Variants in SH3BP1 observed in about 807,000 individuals in gnomAD.
SH3BP1 encodes the protein SH3 domain binding protein 1.
In SH3BP1, 46 loss-of-function variants were observed where a neutral mutation model predicts 69.8. That is an observed-to-expected ratio of 0.66 (90% CI 0.52 to 0.84). The LOEUF (loss-of-function observed/expected upper bound fraction) is 0.84. Among genes scored for constraint, SH3BP1 ranks in the 40% least tolerant of loss-of-function variants. The pLI is 0.00. For synonymous variants in SH3BP1, 403 were observed against 378.0 expected (o/e 1.07, Z -0.77); for missense variants, 868 against 930.9 (o/e 0.93, Z 0.88).
intron 1 of SH3BP1, among the ~76,000 whole-genome samples, chr22:37,640,145 T>C (rs1017558395): frequency 1.3e-5 from 2 of 152,028 alleles, no homozygotes; most frequent in Admixed American, 1.3e-4. Context: ...CCTCCACGAG[T>C]CTCTAAGTGG....
intron 10 of SH3BP1, 62 bp from the exon 11 acceptor site, chr22:37,646,756 C>A (rs1932791492): frequency 1.9e-6 from 2 of 1,040,748 alleles, no homozygotes; most frequent in South Asian, 1.7e-5. Context: ...GCTACAAGTG[C>A]GCCAGGGTGT....
intron 14 of SH3BP1, among the ~76,000 whole-genome samples, chr22:37,649,571 G>T (rs1297157879): frequency 2.0e-5 from 3 of 152,112 alleles, no homozygotes; most frequent in African/African-American, 4.8e-5. Context: ...ATCACCTGAG[G>T]TCGGGAGTTC....
In SH3BP1 at chr22:37,646,799, T is replaced by C. The variant is rs1932792416; in HGVS notation, c.925-19T>C. 1.4e-6 allele frequency: 2 copies of C among 1,478,730 alleles called. No homozygotes were observed. Among genetic ancestry groups the C allele is most frequent in the African/African-American group, 1.4e-5 (1 of 71,516 alleles). 91.6% of individuals were successfully genotyped at this position (1,478,730 alleles called of 1,614,324 possible). A position where few individuals can be genotyped will look rare whatever the true frequency, so the allele number is the denominator to read the frequency against. Reference sequence around the variant, plus strand: ...TGCCCACCCCTCTGTGACCCTTGCCTGCCTCCTCTCGAACCCAGGGTCTCT... The same window carrying C: ...TGCCCACCCCTCTGTGACCCTTGCCCGCCTCCTCTCGAACCCAGGGTCTCT... On this transcript the variant is annotated intron_variant, in intron 10 of 17. Transcript: ENST00000649765.
At chr22:37,649,782 T>C (rs964721140) in intron 14 of SH3BP1, 3 of 310,002 alleles carry the variant, frequency 9.7e-6, no homozygotes, top group Non-Finnish European at 1.9e-5. Context: ...AGACTCTGTC[T>C]CAAAAAAAAA....
Position 37,639,846 on chromosome 22 carries a change from G to A in SH3BP1, c.59G>A (p.Arg20His). The change falls in exon 1 of 18, where the codon CGC becomes CAC. Residue 20 changes from arginine (R) to histidine (H), a missense_variant and splice_region_variant. By Grantham distance (29) the Arg-to-His change is conservative. This residue lies in a region of SH3BP1 where 387 missense variants were observed against 447.9 expected (regional missense o/e 0.86). Transcript: ENST00000649765. Reference sequence around the variant, plus strand: ...CTGGCCCAGACGGGCAGCTTGGGACGGTGAGTGTCACCCGCTTCCAGCCCC... The same window carrying A: ...CTGGCCCAGACGGGCAGCTTGGGACAGTGAGTGTCACCCGCTTCCAGCCCC... ...RQLAQTGSLG[R>H]TPETAEFLGE... The A allele has an allele frequency of 1.3e-6, 2 of 1,568,300 alleles. No individual in the cohort carries two copies. Among genetic ancestry groups the A allele is most frequent in the Non-Finnish European group, 8.6e-7 (1 of 1,159,546 alleles).
intron 17 of SH3BP1, among the ~76,000 whole-genome samples, chr22:37,654,095 T>G (rs1441783896): frequency 2.6e-5 from 4 of 152,194 alleles, no homozygotes; most frequent in African/African-American, 9.7e-5. Flanking sequence ...AATGGGACAG[T>G]GTCTGCACTT....
chr22:37,649,688 G>T (rs1416014369), intron 14 of SH3BP1, among the ~76,000 whole-genome samples: 1 of 152,142 alleles, frequency 6.6e-6, no homozygotes, highest in East Asian at 1.9e-4. Context: ...GGAGGCTGAG[G>T]CAGGAGAATC....
At chr22:37,650,773 G>GGATGTGTGGGAGTA (rs771545952) in intron 16 of SH3BP1, 48 bp downstream of exon 16, 5 of 1,518,176 alleles carry the variant, frequency 3.3e-6, no homozygotes, top group Non-Finnish European at 3.5e-6. Context: ...CCCACAATCA[G>GGATGTGTGGGAGTA]CCTGCCTGAG....
chr22:37,655,308 C>T lies in SH3BP1; in HGVS notation c.1730C>T (p.Pro577Leu). ...RPAPARPTMP[P>L]PQVSGSRSSP... ...GCGCCAGCCCGGCCCACCATGCCGC[C>T]CCCCCAGGTCTCCGGCTCCCGCTCC... The change falls in exon 18 of 18, where the codon CCC becomes CTC. Residue 577 changes from proline to leucine, a missense_variant. Around this residue, in one of 3 missense-constraint regions of SH3BP1, gnomAD observed 474 missense variants for 462.3 expected, o/e 1.03. Coordinates refer to ENST00000649765, the MANE Select transcript of SH3BP1 (RefSeq NM_018957.6). 6.4e-7 allele frequency: 1 copy of T among 1,564,106 alleles called. No homozygotes were observed. Among genetic ancestry groups the T allele is most frequent in the South Asian group, 1.1e-5 (1 of 87,666 alleles).
At position 37,655,335 on chromosome 22, in the gene SH3BP1, C is replaced by T. The variant is rs772912475; in HGVS notation, c.1757C>T (p.Ser586Phe). 2.0e-6 allele frequency: 3 copies of T among 1,478,390 alleles called. No homozygotes were observed. In the South Asian group the frequency reaches 3.7e-5, roughly 18 times the overall value. The allele number at this position is 1,478,390 out of a possible 1,614,324, so 91.6% of individuals were successfully genotyped here. A position where few individuals can be genotyped will look rare whatever the true frequency, so the allele number is the denominator to read the frequency against. ...PPPQVSGSRSSPPAPPLPPGS... is the reference protein window; with the variant it reads ...PPPQVSGSRSFPPAPPLPPGS... ...CCCCAGGTCTCCGGCTCCCGCTCCTCCCCTCCAGCCCCGCCCTTGCCCCCT... is the reference window on the plus strand; with the variant it reads ...CCCCAGGTCTCCGGCTCCCGCTCCTTCCCTCCAGCCCCGCCCTTGCCCCCT... The change falls in exon 18 of 18, where the codon TCC becomes TTC. Residue 586 changes from serine to phenylalanine, a missense_variant. Physicochemically the swap from Ser to Phe is radical, Grantham distance 155. Transcript: ENST00000649765.
chr22:37,655,328 C>A lies in SH3BP1; in HGVS notation c.1750C>A (p.Arg584Ser). Reference protein sequence around the residue: ...TMPPPQVSGSRSSPPAPPLPP... With the variant: ...TMPPPQVSGSSSSPPAPPLPP... ...GCCGCCCCCCCAGGTCTCCGGCTCCCGCTCCTCCCCTCCAGCCCCGCCCTT... is the reference window on the plus strand; with the variant it reads ...GCCGCCCCCCCAGGTCTCCGGCTCCAGCTCCTCCCCTCCAGCCCCGCCCTT... Residue 584 changes from arginine (R) to serine (S), a missense_variant, in exon 18 of 18, where the codon CGC becomes AGC. Arg to Ser is a moderately radical substitution (Grantham distance 110). Coordinates refer to ENST00000649765, the MANE Select transcript of SH3BP1 (RefSeq NM_018957.6). The A allele has an allele frequency of 6.5e-7, 1 of 1,527,312 alleles. No individual in the cohort carries two copies. The highest frequency in any genetic ancestry group is 2.5e-5 in the East Asian group (1 of 40,616). The allele number at this position is 1,527,312 out of a possible 1,614,324, so 94.6% of individuals were successfully genotyped here. A position where few individuals can be genotyped will look rare whatever the true frequency, so the allele number is the denominator to read the frequency against.
At chr22:37,645,075 G>A in intron 9 of SH3BP1, 115 bp downstream of exon 9, 1 of 1,013,234 alleles carries the variant, frequency 9.9e-7, no homozygotes, top group Non-Finnish European at 1.5e-6. Context: ...GGTTCTGAGA[G>A]CTAGGCTCAA....
intron 1 of SH3BP1, 137 bp downstream of exon 1, chr22:37,639,983 C>A: frequency 1.7e-6 from 1 of 592,486 alleles, no homozygotes; most frequent in Non-Finnish European, 2.8e-6. Flanking sequence ...CTCCTGCTCT[C>A]TCTTCCTCCT....
chr22:37,650,889 A>T, intron 16 of SH3BP1, 164 bp downstream of exon 16: 1 of 900,188 alleles, frequency 1.1e-6, no homozygotes, highest in Non-Finnish European at 1.6e-6. Context: ...GCAGAGACTC[A>T]GAGGCGGAAT....
intron 16 of SH3BP1, among the ~76,000 whole-genome samples, chr22:37,652,064 G>A (rs1050026970): frequency 3.9e-5 from 6 of 152,260 alleles, no homozygotes; most frequent in Middle Eastern, 3.4e-3. Context: ...GGTGGCTCAC[G>A]CCTGTAATCC....
At chr22:37,648,271 A>G (rs1248577125) in intron 13 of SH3BP1, 48 bp from the exon 14 acceptor site, 1 of 1,318,422 alleles carries the variant, frequency 7.6e-7, no homozygotes. Flanking sequence ...GAGAATTCTC[A>G]GGGCTGGGTG....
chr22:37,644,930 G>T lies in SH3BP1; in HGVS notation c.748G>T (p.Ala250Ser). 1.2e-6 allele frequency: 2 copies of T among 1,614,012 alleles called. No individual in the cohort carries two copies. The highest frequency in any genetic ancestry group is 1.7e-6 in the Non-Finnish European group (2 of 1,180,024). Residue 250 changes from alanine (A) to serine (S), a missense_variant, in exon 9 of 18, where the codon GCT (alanine) becomes TCT (serine). Coordinates refer to ENST00000649765, the MANE Select transcript of SH3BP1 (RefSeq NM_018957.6). ...RSLSSLDTAL[A>S]ELRENHGQAD... is the part of the protein sequence containing the mutation. ...ACTGAGCTCGCTGGACACAGCCCTGGCTGAGCTGAGGGAGAACCACGGCCA... is the reference window on the plus strand; with the variant it reads ...ACTGAGCTCGCTGGACACAGCCCTGTCTGAGCTGAGGGAGAACCACGGCCA...
chr22:37,647,616 C>T (rs769426106), intron 13 of SH3BP1, 95 bp downstream of exon 13: 60 of 854,130 alleles, frequency 7.0e-5, no homozygotes, highest in East Asian at 6.9e-4. Context: ...GGCCTTGCCA[C>T]TGTATCCTAA....
chr22:37,654,108 C>G (rs138885099), intron 17 of SH3BP1, among the ~76,000 whole-genome samples: 1 of 152,172 alleles, frequency 6.6e-6, no homozygotes, highest in Admixed American at 6.5e-5. Context: ...CTGCACTTAC[C>G]TTATGGGGCT....
Sources: gnomAD v4.1 joint callset for allele counts (sites outside exome capture counted in the v4.1 genomes callset) on GRCh38, gnomAD v4.1.1 for gene constraint, gnomAD v4.1.1 regional missense constraint, MANE v1.5 for transcripts, NCBI Gene and HGNC (gene_info 2026-07-23, HGNC 2026-07-21) for gene names.